Variants in OSBPL8 observed in about 807,000 individuals in gnomAD.
The protein encoded by OSBPL8 is oxysterol binding protein like 8, also known as oxysterol-binding protein-related protein 8.
A neutral mutation model predicts 125.5 loss-of-function variants in OSBPL8; 59 were observed. The ratio of observed to expected loss-of-function variants is 0.47; its 90% CI spans 0.38 to 0.58. The LOEUF (loss-of-function observed/expected upper bound fraction) is 0.58, where lower values mean the gene tolerates loss of function less well. OSBPL8 is among the 20% of genes least tolerant of loss of function. The pLI is 0.00. For synonymous variants in OSBPL8, 330 were observed against 338.9 expected, an observed-to-expected ratio of 0.97 and a Z score of 0.29; for missense variants, 758 against 1,047.8, an observed-to-expected ratio of 0.72 and a Z score of 3.82.
chr12:76,429,323 C>T (rs181838343), intron 4 of OSBPL8, among the ~76,000 whole-genome samples: 2 of 127,710 alleles, frequency 1.6e-5, no homozygotes, highest in Admixed American at 1.5e-4. Context: ...ATTTAGTGAG[C>T]ACCTACTATG....
chr12:76,386,354 C>A, intron 13 of OSBPL8, 88 bp from the exon 14 acceptor site: 1 of 1,451,468 alleles, frequency 6.9e-7, no homozygotes, highest in Non-Finnish European at 9.1e-7. Context: ...TTAACTCTAC[C>A]ATCTGGGAAC....
intron 4 of OSBPL8, among the ~76,000 whole-genome samples, chr12:76,430,224 C>T (rs1211771761): frequency 6.6e-6 from 1 of 152,056 alleles, no homozygotes; most frequent in Non-Finnish European, 1.5e-5. Context: ...ATGATTTCAC[C>T]CCTGCTGAAC....
At chr12:76,544,157 A>C (rs1050773948) in intron 1 of OSBPL8, among the ~76,000 whole-genome samples, 6 of 152,206 alleles carry the variant, frequency 3.9e-5, no homozygotes, top group African/African-American at 1.4e-4. Context: ...CCATCCCACA[A>C]AACAATTTTG....
At chr12:76,556,302 T>A (rs1344172441) in intron 1 of OSBPL8, among the ~76,000 whole-genome samples, 1 of 152,200 alleles carries the variant, frequency 6.6e-6, no homozygotes, top group African/African-American at 2.4e-5. Context: ...AAGAATATGA[T>A]GCTCTAGGAC....
intron 4 of OSBPL8, among the ~76,000 whole-genome samples, chr12:76,421,657 CAGT>C (rs1381418414): frequency 6.6e-6 from 1 of 151,962 alleles, no homozygotes; most frequent in African/African-American, 2.4e-5. Flanking sequence ...GTATCAGTTT[CAGT>C]CAATATTTCT....
chr12:76,393,967 CCGAGATCGTGCCACTGCA>C (rs1333571001), intron 9 of OSBPL8, among the ~76,000 whole-genome samples: 18 of 152,218 alleles, frequency 1.2e-4, no homozygotes, highest in Admixed American at 7.2e-4. Context: ...TTGCAGTGAG[CCGAGATCGTGCCACTGCA>C]CTCCAGGCTG....
chr12:76,413,297 C>T (rs1387116394), intron 4 of OSBPL8, among the ~76,000 whole-genome samples: 1 of 152,142 alleles, frequency 6.6e-6, no homozygotes, highest in African/African-American at 2.4e-5. Flanking sequence ...ACAAGTAATT[C>T]GACTTGTGCA....
chr12:76,538,262 T>C (rs895776101), intron 1 of OSBPL8, among the ~76,000 whole-genome samples: 1 of 152,210 alleles, frequency 6.6e-6, no homozygotes, highest in Non-Finnish European at 1.5e-5. Flanking sequence ...CTCAGAATCA[T>C]GAATAATTTT....
chr12:76,439,252 G>A (rs936759252), intron 4 of OSBPL8, among the ~76,000 whole-genome samples: 6 of 152,052 alleles, frequency 3.9e-5, no homozygotes, highest in Admixed American at 2.6e-4. Flanking sequence ...GGTGGCGCAC[G>A]CCTATAATCC....
At chr12:76,462,245 G>C (rs1035285327) in intron 2 of OSBPL8, among the ~76,000 whole-genome samples, 1 of 152,154 alleles carries the variant, frequency 6.6e-6, no homozygotes, top group African/African-American at 2.4e-5. Context: ...ACAGCACTAT[G>C]TCAACTGCTA....
At chr12:76,514,854 T>C (rs1881374340) in intron 1 of OSBPL8, among the ~76,000 whole-genome samples, 1 of 152,230 alleles carries the variant, frequency 6.6e-6, no homozygotes, top group Non-Finnish European at 1.5e-5. Context: ...TCATTCCTTT[T>C]AACTCTTTTT....
intron 1 of OSBPL8, among the ~76,000 whole-genome samples, chr12:76,555,505 A>T (rs1232177055): frequency 6.6e-6 from 1 of 152,196 alleles, no homozygotes; most frequent in Admixed American, 6.5e-5. Context: ...TAAACGAATC[A>T]AAATATGTTT....
intron 22 of OSBPL8, among the ~76,000 whole-genome samples, chr12:76,357,040 C>A (rs1952013453): frequency 6.6e-6 from 1 of 152,128 alleles, no homozygotes. Flanking sequence ...CTGTTCCTTG[C>A]CCATTTGCCT....
At chr12:76,394,598 T>G in intron 9 of OSBPL8, 47 bp downstream of exon 9, 1 of 1,414,610 alleles carries the variant, frequency 7.1e-7, no homozygotes, top group Non-Finnish European at 9.9e-7. Flanking sequence ...TTAAAAAAAC[T>G]CTTAAAAATG....
intron 1 of OSBPL8, among the ~76,000 whole-genome samples, chr12:76,516,634 G>C (rs1422984063): frequency 1.3e-5 from 2 of 151,968 alleles, no homozygotes; most frequent in Admixed American, 1.3e-4. Flanking sequence ...ACACAAAAGA[G>C]AAAAAGCCAA....
At chr12:76,406,721 T>C (rs1161910348) in intron 5 of OSBPL8, among the ~76,000 whole-genome samples, 1 of 152,064 alleles carries the variant, frequency 6.6e-6, no homozygotes, top group East Asian at 1.9e-4. Context: ...GCTCAAGTGA[T>C]CCTCCCACCT....
chr12:76,437,562 G>A (rs1157869906), intron 4 of OSBPL8, among the ~76,000 whole-genome samples: 1 of 152,108 alleles, frequency 6.6e-6, no homozygotes, highest in Admixed American at 6.5e-5. Flanking sequence ...TTAGTTACAT[G>A]CACTGCAACG....
intron 1 of OSBPL8, among the ~76,000 whole-genome samples, chr12:76,518,262 G>T (rs567558934): frequency 4.3e-4 from 66 of 152,322 alleles, no homozygotes; most frequent in Non-Finnish European, 6.3e-4. Flanking sequence ...CCAAAACCCA[G>T]CAGGGCAGAC....
chr12:76,436,473 G>A (rs565610653), intron 4 of OSBPL8, among the ~76,000 whole-genome samples: 9 of 147,186 alleles, frequency 6.1e-5, no homozygotes, highest in East Asian at 2.0e-4. Flanking sequence ...CCACCCCCCC[G>A]CCCAATATCT....
Sources: allele counts gnomAD v4.1 joint callset (sites outside exome capture counted in the v4.1 genomes callset), GRCh38; gene constraint gnomAD v4.1.1; transcripts MANE v1.5; gene names NCBI Gene and HGNC (gene_info 2026-07-23, HGNC 2026-07-21).